Variants in FECH observed in about 807,000 individuals in gnomAD.
FECH encodes ferrochelatase.
A neutral mutation model predicts 56.9 loss-of-function variants in FECH; 40 were observed. The ratio of observed to expected loss-of-function variants is 0.70; its 90% CI spans 0.55 to 0.92. The LOEUF (loss-of-function observed/expected upper bound fraction) is 0.92, where lower values mean the gene tolerates loss of function less well. FECH is among the 40% of genes least tolerant of loss of function. The pLI is 0.00. For synonymous variants in FECH, 175 were observed against 198.6 expected (o/e 0.88, Z 1.00); for missense variants, 431 against 529.1 (o/e 0.81, Z 1.82).
chr18:57,551,078 G>C, intron 10 of FECH: 1 of 638,194 alleles, frequency 1.6e-6, no homozygotes, highest in Non-Finnish European at 2.7e-6. Flanking sequence ...TACCCACTAG[G>C]CCTTTTCTCT....
rs118204037 is a variant in FECH, at chr18:57,559,148, C to T, written c.801G>A (p.Met267Ile). 1.2e-3 allele frequency: 1,994 copies of T among 1,602,630 alleles called. 1 individual carries two copies. The highest frequency in any genetic ancestry group is 5.6e-3 in the Middle Eastern group (34 of 6,042). Residue 267 changes from methionine (M) to isoleucine (I), a missense_variant, in exon 7 of 11, where the codon ATG becomes ATA. Transcript: ENST00000262093. ...VILFSAHSLP[M>I]SVVNRGDPYP... ...CCCAGAAAATGTTCTTACTTACAGACATGGGCAGTGAGTGAGCAGAAAACA... is the reference window on the plus strand; with the variant it reads ...CCCAGAAAATGTTCTTACTTACAGATATGGGCAGTGAGTGAGCAGAAAACA...
intron 2 of FECH, among the ~76,000 whole-genome samples, chr18:57,576,115 C>G (rs1374241141): frequency 6.6e-6 from 1 of 152,168 alleles, no homozygotes; most frequent in Non-Finnish European, 1.5e-5. Flanking sequence ...TACCTGGCCT[C>G]TACCTGTACA....
chr18:57,583,952 C>T (rs2051324626), intron 1 of FECH, among the ~76,000 whole-genome samples: 6 of 152,112 alleles, frequency 3.9e-5, no homozygotes, highest in Admixed American at 1.3e-4. Context: ...GAGGCCGAGG[C>T]GGGCAGATCA....
chr18:57,579,504 C>A (rs180839461), intron 2 of FECH, among the ~76,000 whole-genome samples: 2 of 152,134 alleles, frequency 1.3e-5, no homozygotes, highest in East Asian at 1.9e-4. Context: ...GACTTGGGAG[C>A]GGTTGTGACT....
At chr18:57,554,746 G>C in intron 8 of FECH, 99 bp downstream of exon 8, 3 of 963,598 alleles carry the variant, frequency 3.1e-6, no homozygotes, top group Non-Finnish European at 5.0e-6. Flanking sequence ...TTATGGAAGA[G>C]CCTGACCATG....
chr18:57,575,313 T>C (rs1178684454), intron 2 of FECH, among the ~76,000 whole-genome samples: 1 of 152,226 alleles, frequency 6.6e-6, no homozygotes, highest in Non-Finnish European at 1.5e-5. Flanking sequence ...AGGGGTCTAC[T>C]TCCTGAATCT....
At chr18:57,560,386 C>T (rs1419964265) in intron 6 of FECH, among the ~76,000 whole-genome samples, 3 of 152,254 alleles carry the variant, frequency 2.0e-5, no homozygotes, top group Non-Finnish European at 2.9e-5. Context: ...CGCAGTGGCT[C>T]ACGCCAGTAA....
chr18:57,559,470 C>T (rs1233338916), intron 6 of FECH, among the ~76,000 whole-genome samples: 1 of 152,174 alleles, frequency 6.6e-6, no homozygotes, highest in Non-Finnish European at 1.5e-5. Context: ...TGGGAAACTT[C>T]TAAAGCTCGC....
chr18:57,576,468 C>A (rs1242485895), intron 2 of FECH, among the ~76,000 whole-genome samples: 1 of 152,202 alleles, frequency 6.6e-6, no homozygotes, highest in East Asian at 1.9e-4. Flanking sequence ...CTTTCACCTT[C>A]AAAATCTGTG....
intron 6 of FECH, among the ~76,000 whole-genome samples, chr18:57,561,305 G>A (rs1021699633): frequency 9.9e-5 from 15 of 152,264 alleles, no homozygotes; most frequent in Middle Eastern, 6.8e-3. Flanking sequence ...TTTTAGTTTA[G>A]GGTTTTGTTT....
intron 7 of FECH, among the ~76,000 whole-genome samples, chr18:57,556,530 C>T (rs1405835266): frequency 1.3e-5 from 2 of 152,132 alleles, no homozygotes; most frequent in Non-Finnish European, 2.9e-5. Flanking sequence ...TGCATCACCG[C>T]AACCTAATCA....
intron 1 of FECH, among the ~76,000 whole-genome samples, chr18:57,584,467 A>G (rs2051335988): frequency 6.6e-6 from 1 of 152,136 alleles, no homozygotes; most frequent in Non-Finnish European, 1.5e-5. Flanking sequence ...GAAATAAAGA[A>G]AAAGGAAAAA....
At chr18:57,553,461 T>A (rs2050825845) in intron 9 of FECH, among the ~76,000 whole-genome samples, 1 of 152,160 alleles carries the variant, frequency 6.6e-6, no homozygotes, top group Admixed American at 6.5e-5. Context: ...CCTCCATCTA[T>A]CATACTTGGG....
At position 57,554,331 on chromosome 18, in the gene FECH, C is replaced by T. The variant is rs754054313; in HGVS notation, c.1006G>A (p.Ala336Thr). The change falls in exon 9 of 11, where the codon GCA becomes ACA. Residue 336 changes from alanine (A) to threonine (T), a missense_variant. Physicochemically the swap from Ala to Thr is moderately conservative, Grantham distance 58. Coordinates refer to ENST00000262093, the MANE Select transcript of FECH (RefSeq NM_000140.5). ...GTTTCAATATGGTCACTGGTAAATG[C>T]TATCGGAACCAAGAGGATATTCTTC... is the stretch of plus-strand genomic sequence containing the variant. ...GRKNILLVPI[A>T]FTSDHIETLY... 4 of 1,614,236 alleles carry T rather than the reference C, an allele frequency of 2.5e-6. No homozygotes were observed. The highest frequency in any genetic ancestry group is 3.4e-6 in the Non-Finnish European group (4 of 1,180,032).
At position 57,567,175 on chromosome 18, in the gene FECH, A is replaced by T. The variant is rs968429822; in HGVS notation, c.464-594T>A. Reference sequence around the variant, plus strand: ...AACCCCCAGGCCACCTCGTTTATATAAAAAAATGCAAGAGCTCTTGCATAC... The same window carrying T: ...AACCCCCAGGCCACCTCGTTTATATTAAAAAATGCAAGAGCTCTTGCATAC... On this transcript the variant is annotated intron_variant, in intron 4 of 10. Coordinates refer to ENST00000262093, the MANE Select transcript of FECH (RefSeq NM_000140.5). Among the ~76,000 whole-genome samples, 3 of 152,068 alleles carry T rather than the reference A, an allele frequency of 2.0e-5. No homozygotes were observed. In the East Asian group the frequency reaches 5.8e-4, roughly 29 times the overall value.
chr18:57,555,658 A>G lies in FECH; in HGVS notation c.805-706T>C, dbSNP rs79824323. Among the ~76,000 whole-genome samples, 1,061 of 152,256 alleles carry G rather than the reference A, an allele frequency of 7.0e-3. 8 individuals are homozygous for G. Among genetic ancestry groups the G allele is most frequent in the African/African-American group, 0.023 (955 of 41,544 alleles). ...TCACCTGGCTTTATTTTCTTCTATA[A>G]CATATATTGCCTGCTAATCTACCAT... On this transcript the variant is annotated intron_variant, in intron 7 of 10. Transcript: ENST00000262093.
Position 57,574,196 on chromosome 18 carries a change from G to T in FECH, c.195-831C>A, listed in dbSNP as rs146745412. The stretch of plus-strand genomic sequence containing the variant: ...TTTAGTAGAGATGGTGTTTCGCCAT[G>T]TTGGCCAGGCTGGTCTCAAAATCCT... On this transcript the variant is annotated intron_variant, in intron 2 of 10. Transcript: ENST00000262093. 3.1e-3 allele frequency among the ~76,000 whole-genome samples: 467 copies of T among 152,168 alleles called. 4 individuals are homozygous for T. Among genetic ancestry groups the T allele is most frequent in the African/African-American group, 0.011 (455 of 41,508 alleles).
At chr18:57,580,882 C>G (rs1043169440) in intron 1 of FECH, among the ~76,000 whole-genome samples, 32 of 152,236 alleles carry the variant, frequency 2.1e-4, no homozygotes, top group African/African-American at 7.5e-4. Context: ...AGGGTCTGTG[C>G]AGGCATTTTT....
At chr18:57,562,339 A>G (rs1312886406) in intron 6 of FECH, among the ~76,000 whole-genome samples, 4 of 152,242 alleles carry the variant, frequency 2.6e-5, no homozygotes, top group African/African-American at 9.6e-5. Context: ...CCTAAAATCA[A>G]GCATCTGTTA....
Sources: gnomAD v4.1 joint callset for allele counts (sites outside exome capture counted in the v4.1 genomes callset) on GRCh38, gnomAD v4.1.1 for gene constraint, MANE v1.5 for transcripts, NCBI Gene and HGNC (gene_info 2026-07-23, HGNC 2026-07-21) for gene names.